TLL1: variants seen among roughly 807,000 people sequenced by gnomAD.
The protein encoded by TLL1 is tolloid like 1.
A neutral mutation model predicts 128.2 loss-of-function variants in TLL1; 49 were observed. The ratio of observed to expected loss-of-function variants is 0.38; its 90% CI spans 0.30 to 0.48. The LOEUF is 0.48. Ranked by LOEUF, TLL1 falls within the 20% of genes least tolerant of loss-of-function variation. The pLI is 0.96. For missense variants in TLL1, 1,123 were observed against 1,242.0 expected (o/e 0.90, Z 1.44); for synonymous variants, 454 against 418.8 (o/e 1.08, Z -1.03).
chr4:166,047,623 CT>C (rs1739523203), intron 12 of TLL1, among the ~76,000 whole-genome samples: 1 of 151,920 alleles, frequency 6.6e-6, no homozygotes, highest in African/African-American at 2.4e-5. Context: ...ATTCATGCTT[CT>C]ATGTGAATTT....
chr4:165,952,366 A>G (rs578061843), intron 1 of TLL1, among the ~76,000 whole-genome samples: 1 of 152,268 alleles, frequency 6.6e-6, no homozygotes, highest in East Asian at 1.9e-4. Flanking sequence ...ATTAGATTAT[A>G]TTGTATTCTG....
intron 18 of TLL1, among the ~76,000 whole-genome samples, chr4:166,081,264 A>G (rs1165743506): frequency 6.6e-6 from 1 of 152,072 alleles, no homozygotes; most frequent in Admixed American, 6.6e-5. Context: ...CTCTGCCTCC[A>G]GTGGGTCTGT....
At chr4:166,062,429 T>G (rs878947260) in intron 15 of TLL1, among the ~76,000 whole-genome samples, 1 of 152,218 alleles carries the variant, frequency 6.6e-6, no homozygotes, top group Non-Finnish European at 1.5e-5. Flanking sequence ...GAAGAGGTCC[T>G]TCACATCCCT....
At chr4:165,976,956 C>T (rs1020124745) in intron 1 of TLL1, among the ~76,000 whole-genome samples, 5 of 152,070 alleles carry the variant, frequency 3.3e-5, no homozygotes, top group South Asian at 2.1e-4. Context: ...TTAGTGTTAG[C>T]GTATTTTATG....
intron 17 of TLL1, among the ~76,000 whole-genome samples, chr4:166,075,715 A>G (rs1488416663): frequency 1.6e-4 from 24 of 152,170 alleles, no homozygotes; most frequent in Admixed American, 1.6e-3. Flanking sequence ...GGATTTATGC[A>G]TGTTTTGAGA....
intron 1 of TLL1, among the ~76,000 whole-genome samples, chr4:165,968,143 C>T (rs1468893990): frequency 6.6e-6 from 1 of 152,124 alleles, no homozygotes; most frequent in Non-Finnish European, 1.5e-5. Context: ...TTTCTATGAG[C>T]GTTTTACCTG....
rs1003510527 is a variant in TLL1, at chr4:166,099,289, G to A, written c.2669G>A (p.Arg890Gln). Residue 890 changes from arginine to glutamine, a missense_variant, in exon 20 of 21, where the codon CGA (arginine) becomes CAA (glutamine). Arg to Gln is a conservative substitution (Grantham distance 43). Coordinates refer to ENST00000061240, the MANE Select transcript of TLL1 (RefSeq NM_012464.5). ...CTTTCCTGGGCAGAGTGTGGCGGACGATTGAAAGCAGAATCAAAACCAAGA... is the reference window on the plus strand; with the variant it reads ...CTTTCCTGGGCAGAGTGTGGCGGACAATTGAAAGCAGAATCAAAACCAAGA... Reference protein sequence around the residue: ...QATHSTECGGRLKAESKPRDL... With the variant: ...QATHSTECGGQLKAESKPRDL... 8.1e-6 allele frequency: 13 copies of A among 1,613,344 alleles called. No individual in the cohort carries two copies. The highest frequency in any genetic ancestry group is 2.2e-5 in the South Asian group (2 of 91,068).
In TLL1 at chr4:166,078,045, C is replaced by A. The variant is rs1741116814; in HGVS notation, c.2442+15C>A. Reference sequence around the variant, plus strand: ...GAATCAAATTAGTAAGTGAGCACATCCTTTTTCTTTCCATTAAGCTGACTG... The same window carrying A: ...GAATCAAATTAGTAAGTGAGCACATACTTTTTCTTTCCATTAAGCTGACTG... On this transcript the variant is annotated intron_variant, in intron 18 of 20. Coordinates refer to ENST00000061240, the MANE Select transcript of TLL1 (RefSeq NM_012464.5). The A allele has an allele frequency of 6.2e-7, 1 of 1,613,032 alleles. No individual in the cohort carries two copies. The highest frequency in any genetic ancestry group is 8.5e-7 in the Non-Finnish European group (1 of 1,179,338).
intron 9 of TLL1, among the ~76,000 whole-genome samples, chr4:166,026,699 T>C (rs1390655008): frequency 1.4e-5 from 2 of 146,488 alleles, no homozygotes; most frequent in Admixed American, 1.4e-4. Flanking sequence ...AAAAAAAAAA[T>C]AGACAAAAAC....
chr4:166,000,716 T>A (rs559450788), intron 5 of TLL1, among the ~76,000 whole-genome samples: 7 of 151,930 alleles, frequency 4.6e-5, no homozygotes, highest in African/African-American at 1.7e-4. Context: ...AATTTGAAAT[T>A]TTTTTTTGTT....
At chr4:166,011,801 A>G (rs1274342827) in intron 7 of TLL1, among the ~76,000 whole-genome samples, 12 of 151,462 alleles carry the variant, frequency 7.9e-5, no homozygotes, top group Non-Finnish European at 1.8e-4. Context: ...ATGTTGAGGT[A>G]GCTTCCTCCT....
chr4:165,973,767 G>C (rs944725792), intron 1 of TLL1, among the ~76,000 whole-genome samples: 2 of 151,728 alleles, frequency 1.3e-5, no homozygotes, highest in African/African-American at 4.8e-5. Flanking sequence ...CCAGGTACAA[G>C]TAATTCTCTT....
chr4:166,065,605 A>G, intron 15 of TLL1, 78 bp from the exon 16 acceptor site: 1 of 1,510,234 alleles, frequency 6.6e-7, no homozygotes, highest in Non-Finnish European at 9.2e-7. Flanking sequence ...TGGGAAAAAT[A>G]AGATATGTTT....
intron 5 of TLL1, among the ~76,000 whole-genome samples, chr4:166,000,900 T>G (rs1020687263): frequency 1.3e-5 from 2 of 152,182 alleles, no homozygotes; most frequent in African/African-American, 4.8e-5. Flanking sequence ...TATTACTGAT[T>G]TATTAAACTC....
chr4:166,043,720 T>A (rs28678725), intron 12 of TLL1, among the ~76,000 whole-genome samples: 2 of 152,118 alleles, frequency 1.3e-5, no homozygotes, highest in Non-Finnish European at 2.9e-5. Flanking sequence ...TTCACAAGAG[T>A]GTCCATTAAG....
At chr4:165,906,272 A>T (rs1465018660) in intron 1 of TLL1, among the ~76,000 whole-genome samples, 1 of 152,240 alleles carries the variant, frequency 6.6e-6, no homozygotes, top group African/African-American at 2.4e-5. Context: ...TAATAATAAC[A>T]AACACATAGT....
chr4:166,082,636 G>T (rs1285723772), intron 18 of TLL1, among the ~76,000 whole-genome samples: 1 of 151,936 alleles, frequency 6.6e-6, no homozygotes, highest in Non-Finnish European at 1.5e-5. Flanking sequence ...AAAGCATTTT[G>T]CCTGATTTCT....
At position 166,022,939 on chromosome 4, in the gene TLL1, A is replaced by T. The variant is rs2111065540; in HGVS notation, c.1043-2377A>T. 2.0e-5 allele frequency among the ~76,000 whole-genome samples: 3 copies of T among 152,296 alleles called. No individual in the cohort carries two copies. In the Middle Eastern group the frequency reaches 0.01, roughly 518 times the overall value. On this transcript the variant is annotated intron_variant, in intron 8 of 20. Transcript: ENST00000061240. ...AATTCTTTATGCTTTTACTTTCCCT[A>T]ATATTATTGCAGAAGTAGTTGTATT...
chr4:165,990,101 G>C (rs1736568863), intron 2 of TLL1, among the ~76,000 whole-genome samples: 1 of 151,856 alleles, frequency 6.6e-6, no homozygotes, highest in Non-Finnish European at 1.5e-5. Flanking sequence ...AAACATGTTT[G>C]AATTATGCCT....
Sources: gnomAD v4.1 joint callset for allele counts (sites outside exome capture counted in the v4.1 genomes callset) on GRCh38, gnomAD v4.1.1 for gene constraint, MANE v1.5 for transcripts, NCBI Gene and HGNC (gene_info 2026-07-23, HGNC 2026-07-21) for gene names.